RPS6: variants seen among roughly 807,000 people sequenced by gnomAD.
RPS6 encodes ribosomal protein S6.
RPS6 carries 1 observed loss-of-function variant against 27.1 expected under a neutral mutation model. The observed-to-expected ratio is 0.04, with a 90% CI of 0.01 to 0.18. The LOEUF (loss-of-function observed/expected upper bound fraction) is 0.18, where lower values mean the gene tolerates loss of function less well. Ranked by LOEUF, RPS6 falls within the 10% of genes least tolerant of loss-of-function variation. The pLI, the probability that RPS6 is intolerant of heterozygous loss-of-function variation, is 1.00. For missense variants in RPS6, 259 were observed against 319.1 expected (o/e 0.81, Z 1.44); for synonymous variants, 152 against 106.0 (o/e 1.43, Z -2.66).
At chr9:19,376,792 T>C (rs1468650876) in intron 4 of RPS6, 141 bp from the exon 5 acceptor site, 2 of 696,058 alleles carry the variant, frequency 2.9e-6, no homozygotes, top group Non-Finnish European at 4.4e-6. Flanking sequence ...ATCAGAACTA[T>C]TCTAAAATGC....
chr9:19,376,601 G>C lies in RPS6; in HGVS notation c.547C>G (p.Arg183Gly). 6.2e-7 allele frequency: 1 copy of C among 1,614,164 alleles called. No homozygotes were observed. The highest frequency in any genetic ancestry group is 8.5e-7 in the Non-Finnish European group (1 of 1,180,040). Reference sequence around the variant, plus strand: ...CGCCGCCGTTTGTGCTGCAGGACACGTGGAGTAACAAGACGCTGAATCTTG... The same window carrying C: ...CGCCGCCGTTTGTGCTGCAGGACACCTGGAGTAACAAGACGCTGAATCTTG... The part of the protein sequence containing the change: ...APKIQRLVTP[R>G]VLQHKRRRIA... The change falls in exon 5 of 6, where the codon CGT (arginine) becomes GGT (glycine). Residue 183 changes from arginine (R) to glycine (G), a missense_variant. Physicochemically the swap from Arg to Gly is moderately radical, Grantham distance 125. Around this residue, in one of 3 missense-constraint regions of RPS6, gnomAD observed 191 missense variants for 231.6 expected, o/e 0.82. Transcript: ENST00000380394.
Position 19,380,201 on chromosome 9 carries a change from A to C in RPS6, c.-6T>G. On this transcript the variant is annotated 5_prime_UTR_variant, in exon 1 of 6. Coordinates refer to ENST00000380394, the MANE Select transcript of RPS6 (RefSeq NM_001010.3). ...CCACCATCACCTACCTTCATCTTGA[A>C]GCAGCTGAACGCCTCCGAGGCGCCA... 6.2e-7 allele frequency: 1 copy of C among 1,614,162 alleles called. No individual in the cohort carries two copies.
chr9:19,378,753 C>T lies in RPS6; in HGVS notation c.304G>A (p.Val102Met), dbSNP rs764482314. 6.2e-7 allele frequency: 1 copy of T among 1,614,012 alleles called. No homozygotes were observed. The highest frequency in any genetic ancestry group is 8.5e-7 in the Non-Finnish European group (1 of 1,180,000). ...TTGAGAACGCTCAGATTTGCATCCA[C>T]AATGCAACCACGAACTGATTTTCTC... ...RKRKSVRGCI[V>M]DANLSVLNLV... The change falls in exon 3 of 6, where the codon GTG becomes ATG. Residue 102 changes from valine to methionine, a missense_variant. This residue lies in a region of RPS6 where 191 missense variants were observed against 231.6 expected (regional missense o/e 0.82). Transcript: ENST00000380394.
At position 19,378,143 on chromosome 9, in the gene RPS6, A is replaced by G. The variant is rs569956880; in HGVS notation, c.496+225T>C. ...GATAATGTATACATCAAAGATTCACAAGCAGATTTTCAACGAAATTACTGC... is the reference window on the plus strand; with the variant it reads ...GATAATGTATACATCAAAGATTCACGAGCAGATTTTCAACGAAATTACTGC... On this transcript the variant is annotated intron_variant, in intron 4 of 5. Coordinates refer to ENST00000380394, the MANE Select transcript of RPS6 (RefSeq NM_001010.3). 4.7e-4 allele frequency among the ~76,000 whole-genome samples: 71 copies of G among 152,370 alleles called. 2 individuals carry two copies. The South Asian group carries it at 0.013, about 28-fold the overall frequency.
intron 1 of RPS6, 153 bp downstream of exon 1, chr9:19,380,037 G>T (rs1276800417): frequency 6.4e-7 from 1 of 1,558,302 alleles, no homozygotes; most frequent in Non-Finnish European, 8.7e-7. Flanking sequence ...CGGCCAAAAA[G>T]CTCCATGCCC....
chr9:19,376,048 G>C lies in RPS6; in HGVS notation c.*245C>G, dbSNP rs368590261. 2.2e-4 allele frequency: 84 copies of C among 381,382 alleles called. 1 individual carries two copies. In the South Asian group the frequency reaches 4.4e-3, roughly 20 times the overall value. 23.6% of individuals were successfully genotyped at this position (381,382 alleles called of 1,614,324 possible). A position where few individuals can be genotyped will look rare whatever the true frequency, so the allele number is the denominator to read the frequency against. ...GTTCCATGCCATTCTGAAGAGGCAG[G>C]TGTCTTATGCTCAGAATCCCTTCCT... On this transcript the variant is annotated 3_prime_UTR_variant, in exon 6 of 6. Coordinates refer to ENST00000380394, the MANE Select transcript of RPS6 (RefSeq NM_001010.3).
Position 19,376,280 on chromosome 9 carries a change from T to C in RPS6, c.*13A>G. Reference sequence around the variant, plus strand: ...TCAGAGTCTGATCTTATTTATTTGTTACTCAAAAAATCTTATTTCTGACTG... The same window carrying C: ...TCAGAGTCTGATCTTATTTATTTGTCACTCAAAAAATCTTATTTCTGACTG... On this transcript the variant is annotated 3_prime_UTR_variant, in exon 6 of 6. Transcript: ENST00000380394. The C allele has an allele frequency of 6.3e-7, 1 of 1,596,546 alleles. No homozygotes were observed. Among genetic ancestry groups the C allele is most frequent in the South Asian group, 1.1e-5 (1 of 89,868 alleles).
intron 4 of RPS6, among the ~76,000 whole-genome samples, chr9:19,377,478 C>T (rs1360642374): frequency 6.6e-6 from 1 of 150,590 alleles, no homozygotes; most frequent in African/African-American, 2.5e-5. Flanking sequence ...AGTACCTGTG[C>T]TCAAGTAAGT....
At position 19,376,257 on chromosome 9, in the gene RPS6, A is replaced by T. The variant is rs67710536; in HGVS notation, c.*36T>A. 1 of 1,528,754 alleles carries T rather than the reference A, an allele frequency of 6.5e-7. No homozygotes were observed. Among genetic ancestry groups the T allele is most frequent in the Non-Finnish European group, 9.0e-7 (1 of 1,115,012 alleles). 94.7% of individuals were successfully genotyped at this position (1,528,754 alleles called of 1,614,324 possible). A position where few individuals can be genotyped will look rare whatever the true frequency, so the allele number is the denominator to read the frequency against. ...CAGCAATGAAAAGTCAACAGAGATC[A>T]GAGTCTGATCTTATTTATTTGTTAC... On this transcript the variant is annotated 3_prime_UTR_variant, in exon 6 of 6. Transcript: ENST00000380394.
At chr9:19,377,600 A>T (rs1158512564) in intron 4 of RPS6, among the ~76,000 whole-genome samples, 1 of 152,094 alleles carries the variant, frequency 6.6e-6, no homozygotes, top group Non-Finnish European at 1.5e-5. Context: ...GGAAAACCCA[A>T]CCTTGACTGA....
At chr9:19,379,061 C>A (rs1829636017) in intron 2 of RPS6, 143 bp from the exon 3 acceptor site, 1 of 902,516 alleles carries the variant, frequency 1.1e-6, no homozygotes, top group Non-Finnish European at 1.6e-6. Flanking sequence ...TTTCTCTGTT[C>A]AGTGAGTTTT....
At chr9:19,379,801 G>A in intron 1 of RPS6, 183 bp from the exon 2 acceptor site, 4 of 1,436,122 alleles carry the variant, frequency 2.8e-6, no homozygotes, top group South Asian at 3.0e-5. Flanking sequence ...AAGAAGCGCC[G>A]CACTCAGCAG....
chr9:19,376,246 C>CT lies in RPS6; in HGVS notation c.*46_*47insA, dbSNP rs1829584363. ...TAGTTTTCTATCAGCAATGAAAAGT[C>CT]AACAGAGATCAGAGTCTGATCTTAT... On this transcript the variant is annotated 3_prime_UTR_variant, in exon 6 of 6. Transcript: ENST00000380394. 2 of 1,481,038 alleles carry CT rather than the reference C, an allele frequency of 1.4e-6. No homozygotes were observed. Among genetic ancestry groups the CT allele is most frequent in the Admixed American group, 1.9e-5 (1 of 51,724 alleles). 91.7% of individuals were successfully genotyped at this position (1,481,038 alleles called of 1,614,324 possible). A position where few individuals can be genotyped will look rare whatever the true frequency, so the allele number is the denominator to read the frequency against.
At chr9:19,378,050 G>C (rs976048290) in intron 4 of RPS6, among the ~76,000 whole-genome samples, 2 of 152,178 alleles carry the variant, frequency 1.3e-5, no homozygotes, top group Non-Finnish European at 2.9e-5. Context: ...GGTGCTAATA[G>C]TCCCAGAATT....
chr9:19,378,272 G>A, intron 4 of RPS6, 96 bp downstream of exon 4: 1 of 1,228,224 alleles, frequency 8.1e-7, no homozygotes, highest in Non-Finnish European at 1.2e-6. Context: ...TAGTGCTAAG[G>A]CCTTCCAAAG....
At position 19,378,782 on chromosome 9, in the gene RPS6, C is replaced by T; in HGVS notation, c.275G>A (p.Arg92Lys). The T allele has an allele frequency of 6.2e-7, 1 of 1,614,178 alleles. No homozygotes were observed. Among genetic ancestry groups the T allele is most frequent in the South Asian group, 1.1e-5 (1 of 91,074 alleles). Residue 92 changes from arginine (R) to lysine (K), a missense_variant, in exon 3 of 6, where the codon AGA becomes AAA. This residue lies in a region of RPS6 where 191 missense variants were observed against 231.6 expected (regional missense o/e 0.82). Coordinates refer to ENST00000380394, the MANE Select transcript of RPS6 (RefSeq NM_001010.3). ...SCYRPRRTGE[R>K]KRKSVRGCIV... ...GCAACCACGAACTGATTTTCTCTTT[C>T]TTTCTCCAGTTCTCCTTGGTCTGTA...
chr9:19,380,160 C>G, intron 1 of RPS6, 30 bp downstream of exon 1: 1 of 1,614,132 alleles, frequency 6.2e-7, no homozygotes, highest in South Asian at 1.1e-5. Flanking sequence ...GTTCCCCAAA[C>G]CCAGTCTAAC....
intron 4 of RPS6, 23 bp from the exon 5 acceptor site, chr9:19,376,674 C>T (rs1425071161): frequency 6.3e-7 from 1 of 1,590,924 alleles, no homozygotes; most frequent in African/African-American, 1.4e-5. Flanking sequence ...AGGACTCAAT[C>T]ATTTCAATAT....
At position 19,379,479 on chromosome 9, in the gene RPS6, A is replaced by G. The variant is rs892869061; in HGVS notation, c.138+8T>C. Reference sequence around the variant, plus strand: ...CTTAAATACCTGCAACAATTTGTCAACTTTTACCTTCCATTCTTCACCCAG... The same window carrying G: ...CTTAAATACCTGCAACAATTTGTCAGCTTTTACCTTCCATTCTTCACCCAG... On this transcript the variant is annotated splice_region_variant and intron_variant, in intron 2 of 5. Transcript: ENST00000380394. 1 of 1,614,148 alleles carries G rather than the reference A, an allele frequency of 6.2e-7. No homozygotes were observed.
Sources: allele counts gnomAD v4.1 joint callset (sites outside exome capture counted in the v4.1 genomes callset), GRCh38; gene constraint gnomAD v4.1.1; regional missense constraint gnomAD v4.1.1; transcripts MANE v1.5; gene names NCBI Gene and HGNC (gene_info 2026-07-23, HGNC 2026-07-21).